PDE1A: variants seen among roughly 807,000 people sequenced by gnomAD.
The protein encoded by PDE1A is dual specificity calcium/calmodulin-dependent 3',5'-cyclic nucleotide phosphodiesterase 1A.
In PDE1A, 35 loss-of-function variants were observed where a neutral mutation model predicts 61.7. The observed-to-expected ratio is 0.57, with a 90% CI of 0.43 to 0.75. The LOEUF is 0.75. PDE1A is among the 30% of genes least tolerant of loss of function. The pLI is 0.00. For synonymous variants in PDE1A, 232 were observed against 213.2 expected, an observed-to-expected ratio of 1.09 and a Z score of -0.77; for missense variants, 597 against 630.6, an observed-to-expected ratio of 0.95 and a Z score of 0.57.
the PDE1A span, among the ~76,000 whole-genome samples, chr2:182,571,471 G>C: frequency 3.0e-4 from 45 of 152,146 alleles, 1 homozygote; most frequent in African/African-American, 1.0e-3. Context: ...TGTCTAAAGT[G>C]AGTATGGATC....
the PDE1A span, among the ~76,000 whole-genome samples, chr2:182,546,186 G>A: frequency 1.3e-5 from 2 of 152,170 alleles, no homozygotes; most frequent in East Asian, 1.9e-4. Flanking sequence ...ATACCAAGAA[G>A]AAGCAGGAGA....
chr2:182,655,838 T>C, the PDE1A span, among the ~76,000 whole-genome samples: 1 of 152,320 alleles, frequency 6.6e-6, no homozygotes, highest in Non-Finnish European at 1.5e-5. Context: ...TGAATCTAAT[T>C]TAGGAAACCT....
At chr2:182,704,250 TA>T in the PDE1A span, among the ~76,000 whole-genome samples, 1 of 151,616 alleles carries the variant, frequency 6.6e-6, no homozygotes, top group African/African-American at 2.4e-5. Context: ...TCAAGTTTTT[TA>T]AAGCTCCCTG....
chr2:182,319,003 C>T (rs1696531159), intron 1 of PDE1A, among the ~76,000 whole-genome samples: 2 of 152,112 alleles, frequency 1.3e-5, no homozygotes, highest in Admixed American at 6.6e-5. Context: ...ATATTCTTTT[C>T]ATCACCCTCT....
At chr2:182,223,930 A>T in exon 7 of PDE1A, 1 of 1,606,592 alleles carries the variant, frequency 6.2e-7, no homozygotes, top group Non-Finnish European at 8.5e-7. Flanking sequence ...AGCAGCAAAG[A>T]CCATTGCTAA....
chr2:182,370,975 A>G (rs2125243705), intron 1 of PDE1A, among the ~76,000 whole-genome samples: 1 of 152,348 alleles, frequency 6.6e-6, no homozygotes, highest in East Asian at 1.9e-4. Context: ...ACCACAAGAT[A>G]CAGCAAAAGA....
downstream of PDE1A, among the ~76,000 whole-genome samples, chr2:182,145,121 G>A (rs1690426181): frequency 6.6e-6 from 1 of 152,200 alleles, no homozygotes; most frequent in Admixed American, 6.5e-5. Flanking sequence ...TCTGTCTGAA[G>A]TTTGAGTAAA....
intron 1 of PDE1A, among the ~76,000 whole-genome samples, chr2:182,415,295 T>C (rs1702848529): frequency 6.6e-6 from 1 of 152,094 alleles, no homozygotes; most frequent in Non-Finnish European, 1.5e-5. Context: ...TAAAATATTT[T>C]AAAATAACAA....
At chr2:182,705,878 C>G in the PDE1A span, among the ~76,000 whole-genome samples, 3 of 152,140 alleles carry the variant, frequency 2.0e-5, no homozygotes, top group Non-Finnish European at 2.9e-5. Context: ...TATTTAGTTG[C>G]AGAATATTAC....
At position 182,522,300 on chromosome 2, in the gene PDE1A, T is replaced by C. The variant is rs144085392; in HGVS notation, c.77A>G (p.Lys26Arg). The change falls in exon 2 of 15, where the codon AAA becomes AGA. Residue 26 changes from lysine to arginine, a missense_variant. Lys to Arg is a conservative substitution (Grantham distance 26). Transcript: ENST00000410103. ...CATTCCTTTCAGGCGCTGCCACATTTTTTCAGTCTGTTCTCCTGTAAGATA... is the reference window on the plus strand; with the variant it reads ...CATTCCTTTCAGGCGCTGCCACATTCTTTCAGTCTGTTCTCCTGTAAGATA... The C allele has an allele frequency of 8.2e-4, 1,316 of 1,613,562 alleles. 1 individual carries two copies. The highest frequency in any genetic ancestry group is 7.6e-4 in the Non-Finnish European group (893 of 1,179,620).
chr2:182,576,025 C>T, the PDE1A span, among the ~76,000 whole-genome samples: 4 of 150,130 alleles, frequency 2.7e-5, no homozygotes, highest in African/African-American at 7.3e-5. Flanking sequence ...GCTGTATATA[C>T]ATTATCTGAT....
At chr2:182,429,938 G>A (rs935689103), upstream of PDE1A, among the ~76,000 whole-genome samples, 16 of 152,140 alleles carry the variant, frequency 1.1e-4, no homozygotes, top group Non-Finnish European at 1.9e-4. Context: ...TAGTCAAATA[G>A]GACGTGAGAC....
the PDE1A span, among the ~76,000 whole-genome samples, chr2:182,641,234 T>C: frequency 1.3e-5 from 2 of 152,010 alleles, no homozygotes; most frequent in African/African-American, 4.8e-5. Context: ...AAGAAGAATG[T>C]AGGGAAAGTA....
chr2:182,607,044 G>A, the PDE1A span, among the ~76,000 whole-genome samples: 4 of 151,924 alleles, frequency 2.6e-5, no homozygotes, highest in African/African-American at 7.3e-5. Flanking sequence ...GAAATGTAAC[G>A]TGGGGGGAAA....
chr2:182,317,127 G>A (rs1339329213), intron 1 of PDE1A, among the ~76,000 whole-genome samples: 1 of 152,154 alleles, frequency 6.6e-6, no homozygotes, highest in Non-Finnish European at 1.5e-5. Context: ...ATACAAACCA[G>A]ATGTTAGCAC....
At chr2:182,346,808 G>A (rs758608239) in intron 1 of PDE1A, among the ~76,000 whole-genome samples, 1 of 152,050 alleles carries the variant, frequency 6.6e-6, no homozygotes, top group African/African-American at 2.4e-5. Context: ...GGGTTTAAAT[G>A]ACAATCCTAT....
At chr2:182,437,504 A>G (rs1401376626) in intron 2 of PDE1A, among the ~76,000 whole-genome samples, 1 of 151,964 alleles carries the variant, frequency 6.6e-6, no homozygotes, top group Non-Finnish European at 1.5e-5. Context: ...CCTATATCCA[A>G]TAAAAGAGCT....
chr2:182,521,669 G>T (rs1346021056), intron 2 of PDE1A, among the ~76,000 whole-genome samples: 1 of 151,950 alleles, frequency 6.6e-6, no homozygotes, highest in Non-Finnish European at 1.5e-5. Context: ...TTTTACTAAG[G>T]GCTATTATGT....
chr2:182,425,301 G>A (rs10931012), intron 1 of PDE1A, among the ~76,000 whole-genome samples: 76,840 of 151,914 alleles, frequency 0.51, 20,144 homozygotes, highest in East Asian at 0.66. Context: ...GAAGTCGCAC[G>A]TGCACTTGGG....
Sources: gnomAD v4.1 joint callset for allele counts (sites outside exome capture counted in the v4.1 genomes callset) on GRCh38, gnomAD v4.1.1 for gene constraint, MANE v1.5 for transcripts, NCBI Gene and HGNC (gene_info 2026-07-23, HGNC 2026-07-21) for gene names.